The following CFAP74 variants were observed in gnomAD, a reference collection of about 807,000 sequenced individuals.
CFAP74 encodes the protein cilia- and flagella-associated protein 74.
Under a neutral mutation model 188.9 loss-of-function variants are expected in CFAP74, and 124 were observed. That is an observed-to-expected ratio of 0.66 (90% CI 0.57 to 0.76). The LOEUF (loss-of-function observed/expected upper bound fraction) is 0.76. CFAP74 is among the 30% of genes least tolerant of loss of function. The pLI is 0.00. For missense variants in CFAP74, 2,198 were observed against 2,165.2 expected, an observed-to-expected ratio of 1.02 and a Z score of -0.30; for synonymous variants, 956 against 916.7, an observed-to-expected ratio of 1.04 and a Z score of -0.77.
intron 37 of CFAP74, 75 bp downstream of exon 37, chr1:1,922,910 G>T: frequency 6.6e-7 from 1 of 1,512,256 alleles, no homozygotes. Context: ...GGCAAGGCCA[G>T]GAGGGTCAGG....
intron 18 of CFAP74, chr1:1,955,044 C>T (rs74392714): frequency 5.7e-5 from 70 of 1,237,798 alleles, no homozygotes; most frequent in African/African-American, 5.2e-4. Flanking sequence ...ACCGGAAGTG[C>T]GGCTCACACC....
At chr1:1,955,487 A>C (rs755611677) in intron 18 of CFAP74, 5 of 1,594,804 alleles carry the variant, frequency 3.1e-6, no homozygotes, top group Middle Eastern at 1.7e-4. Context: ...GTTAGCGTCA[A>C]CGTGAATGTA....
At chr1:1,967,623 G>A (rs968686248) in intron 11 of CFAP74, among the ~76,000 whole-genome samples, 1 of 152,108 alleles carries the variant, frequency 6.6e-6, no homozygotes, top group African/African-American at 2.4e-5. Context: ...TGCCCTGAAG[G>A]GCACCGCAGA....
intron 5 of CFAP74, among the ~76,000 whole-genome samples, chr1:1,986,725 G>A (rs1032039224): frequency 2.0e-5 from 3 of 152,178 alleles, no homozygotes; most frequent in African/African-American, 4.8e-5. Flanking sequence ...TGACCCACTC[G>A]GCCTTGCCTC....
At chr1:1,967,258 C>T (rs1655534382) in intron 11 of CFAP74, among the ~76,000 whole-genome samples, 1 of 152,216 alleles carries the variant, frequency 6.6e-6, no homozygotes. Flanking sequence ...TCTGCTCTGG[C>T]TCTGTCCCAG....
At chr1:1,948,326 G>A (rs1653920080) in intron 18 of CFAP74, among the ~76,000 whole-genome samples, 1 of 151,924 alleles carries the variant, frequency 6.6e-6, no homozygotes, top group South Asian at 2.1e-4. Context: ...AGGCTGGAGT[G>A]CAGTGGTGCG....
chr1:1,975,956 C>T lies in CFAP74; in HGVS notation c.501-1758G>A, dbSNP rs1020477066. 5.3e-5 allele frequency among the ~76,000 whole-genome samples: 8 copies of T among 152,294 alleles called. No individual in the cohort carries two copies. The highest frequency in any genetic ancestry group is 1.9e-4 in the East Asian group (1 of 5,182). On this transcript the variant is annotated intron_variant, in intron 6 of 38. Coordinates refer to ENST00000682832, the MANE Select transcript of CFAP74 (RefSeq NM_001304360.2). The surrounding 1 kb of genome is among the most constrained non-coding windows in gnomAD (Gnocchi z 4.5). ...AGGAAAACACCCACGACCGGGTCTT[C>T]GCAAACAACAGAATTTCATTCCTCA...
chr1:1,999,707 C>T (rs1658101484), intron 1 of CFAP74, among the ~76,000 whole-genome samples: 2 of 151,726 alleles, frequency 1.3e-5, no homozygotes, highest in South Asian at 4.2e-4. Context: ...ACCCCAGCTA[C>T]TCGGGAGGCT....
At chr1:1,928,152 T>C (rs1425580713) in intron 27 of CFAP74, among the ~76,000 whole-genome samples, 2 of 118,894 alleles carry the variant, frequency 1.7e-5, no homozygotes, top group African/African-American at 6.4e-5. Flanking sequence ...GGGCAAACCC[T>C]TGGGAGGAAG....
At chr1:1,937,445 G>T (rs928181260) in intron 25 of CFAP74, among the ~76,000 whole-genome samples, 1 of 152,108 alleles carries the variant, frequency 6.6e-6, no homozygotes, top group Non-Finnish European at 1.5e-5. Context: ...AGGCCCCAGT[G>T]GCCCAGGTCA....
At chr1:1,959,056 C>T (rs1462633680) in intron 16 of CFAP74, 64 bp downstream of exon 16, 11 of 1,139,676 alleles carry the variant, frequency 9.7e-6, no homozygotes, top group Non-Finnish European at 1.2e-5. Flanking sequence ...GAGATGCCGT[C>T]CCCCACTGGG....
At chr1:1,958,288 T>C (rs1179309639) in intron 16 of CFAP74, among the ~76,000 whole-genome samples, 1 of 152,212 alleles carries the variant, frequency 6.6e-6, no homozygotes, top group Non-Finnish European at 1.5e-5. Flanking sequence ...CCTCCTCTAG[T>C]GTAAGAATGG....
chr1:1,993,570 G>A (rs1423939195), intron 1 of CFAP74, among the ~76,000 whole-genome samples: 1 of 151,852 alleles, frequency 6.6e-6, no homozygotes, highest in Non-Finnish European at 1.5e-5. Context: ...AGAGGCGTGA[G>A]CCACCGTGCC....
intron 18 of CFAP74, 53 bp from the exon 19 acceptor site, chr1:1,947,107 G>T: frequency 7.4e-7 from 1 of 1,342,910 alleles, no homozygotes; most frequent in Non-Finnish European, 1.0e-6. Flanking sequence ...GAGGCAGTGT[G>T]GCCCAGGCCC....
chr1:1,969,344 T>TGCCCA (rs1457479979), intron 10 of CFAP74, among the ~76,000 whole-genome samples: 4 of 71,688 alleles, frequency 5.6e-5, no homozygotes, highest in African/African-American at 1.1e-4. Context: ...AGCCCTGCCC[T>TGCCCA]GCCCAGCCCA....
rs1270766075 is a variant in CFAP74, at chr1:1,942,355, A to G, written c.2487-199T>C. Reference sequence around the variant, plus strand: ...CTTTGTAAGGGCTGTTTTTTCTGAAATGAAATCTGATGAAGAATTCTTAAA... The same window carrying G: ...CTTTGTAAGGGCTGTTTTTTCTGAAGTGAAATCTGATGAAGAATTCTTAAA... On this transcript the variant is annotated intron_variant, in intron 21 of 38. Transcript: ENST00000682832. The surrounding 1 kb of genome is among the most constrained non-coding windows in gnomAD (Gnocchi z 4.3). Among the ~76,000 whole-genome samples, 1 of 152,176 alleles carries G rather than the reference A, an allele frequency of 6.6e-6. No individual in the cohort carries two copies. Among genetic ancestry groups the G allele is most frequent in the African/African-American group, 2.4e-5 (1 of 41,438 alleles).
intron 18 of CFAP74, among the ~76,000 whole-genome samples, chr1:1,949,114 CCTTTCTT>C (rs1654039050): frequency 8.3e-6 from 1 of 121,098 alleles, no homozygotes; most frequent in Non-Finnish European, 1.7e-5. Flanking sequence ...TCCTTCCTTT[CCTTTCTT>C]CCCTTCCCTC....
rs1156841205 is a variant in CFAP74 at position 1,970,804 on chromosome 1, T to C, written c.901A>G (p.Lys301Glu). Residue 301 changes from lysine to glutamate, a missense_variant, in exon 10 of 39, where the codon AAG (lysine) becomes GAG (glutamate). Physicochemically the swap from Lys to Glu is moderately conservative, Grantham distance 56. Transcript: ENST00000682832. The part of the protein sequence containing the change: ...SISANRDTLR[K>E]FQAWDRAKAE... ...TTGGCACGGTCCCATGCTTGGAACT[T>C]CCGCAGTGTGTCCTTGGAAACAGAG... The C allele has an allele frequency of 6.2e-7, 1 of 1,614,110 alleles. No individual in the cohort carries two copies. Among genetic ancestry groups the C allele is most frequent in the Non-Finnish European group, 8.5e-7 (1 of 1,179,996 alleles).
At chr1:1,991,814 C>A (rs181398690) in intron 1 of CFAP74, among the ~76,000 whole-genome samples, 1 of 151,846 alleles carries the variant, frequency 6.6e-6, no homozygotes, top group Non-Finnish European at 1.5e-5. Context: ...CCAAGGTGGG[C>A]GGATCACGAG....
Sources: allele counts gnomAD v4.1 joint callset (sites outside exome capture counted in the v4.1 genomes callset), GRCh38; gene constraint gnomAD v4.1.1; non-coding constraint Gnocchi (gnomAD v3.1); transcripts MANE v1.5; gene names NCBI Gene and HGNC (gene_info 2026-07-23, HGNC 2026-07-21).